LRMDA: variants seen among roughly 807,000 people sequenced by gnomAD.
LRMDA encodes leucine rich melanocyte differentiation associated.
LRMDA carries 18 observed loss-of-function variants against 29.8 expected under a neutral mutation model. The ratio of observed to expected loss-of-function variants is 0.60; its 90% CI spans 0.42 to 0.90. The LOEUF is 0.90. Ranked by LOEUF, LRMDA falls within the 40% of genes least tolerant of loss-of-function variation. The pLI is 0.00. For synonymous variants in LRMDA, 125 were observed against 109.4 expected (o/e 1.14, Z -0.89); for missense variants, 273 against 273.9 (o/e 1.00, Z 0.02).
At chr10:75,644,598 G>T (rs115393740) in intron 2 of LRMDA, among the ~76,000 whole-genome samples, 1 of 152,136 alleles carries the variant, frequency 6.6e-6, no homozygotes. Flanking sequence ...TCACAGCAGG[G>T]TGGCTGAGCC....
At chr10:75,620,289 G>A (rs1841165238) in intron 2 of LRMDA, among the ~76,000 whole-genome samples, 2 of 152,136 alleles carry the variant, frequency 1.3e-5, no homozygotes, top group South Asian at 4.1e-4. Context: ...TACAATTCAG[G>A]CATGTATGCA....
chr10:75,456,947 A>AT, intron 2 of LRMDA, among the ~76,000 whole-genome samples: 1 of 152,190 alleles, frequency 6.6e-6, no homozygotes. Context: ...AAGTGCCAGG[A>AT]TTATAGGCAT....
intron 5 of LRMDA, among the ~76,000 whole-genome samples, chr10:76,069,448 G>A (rs1026595530): frequency 2.6e-5 from 4 of 152,164 alleles, no homozygotes; most frequent in Non-Finnish European, 5.9e-5. Context: ...TAGCAATTAC[G>A]TGCAGCCTTT....
chr10:76,348,191 C>G (rs895674531), intron 6 of LRMDA, among the ~76,000 whole-genome samples: 1 of 152,022 alleles, frequency 6.6e-6, no homozygotes, highest in Non-Finnish European at 1.5e-5. Flanking sequence ...ACAGTTATCC[C>G]CTCAAATCAG....
chr10:75,951,900 G>A (rs1043213544), intron 2 of LRMDA, among the ~76,000 whole-genome samples: 1 of 152,196 alleles, frequency 6.6e-6, no homozygotes, highest in South Asian at 2.1e-4. Flanking sequence ...CGTTACCTGC[G>A]GTCCTGGAGG....
intron 1 of LRMDA, among the ~76,000 whole-genome samples, chr10:75,437,002 A>G (rs1175417008): frequency 1.3e-5 from 2 of 152,136 alleles, no homozygotes; most frequent in African/African-American, 2.4e-5. Context: ...TTGAGTCAAA[A>G]TTACTTTATT....
intron 1 of LRMDA, among the ~76,000 whole-genome samples, chr10:75,433,905 A>G (rs150145516): frequency 6.5e-4 from 99 of 152,248 alleles, no homozygotes; most frequent in Middle Eastern, 3.4e-3. Flanking sequence ...AAGTTAGGTC[A>G]CTGCTTTTAA....
intron 2 of LRMDA, among the ~76,000 whole-genome samples, chr10:75,952,118 C>T (rs1214318714): frequency 6.6e-6 from 1 of 152,182 alleles, no homozygotes; most frequent in Non-Finnish European, 1.5e-5. Context: ...ACCCTGGGGT[C>T]CCCTCAGCCC....
At chr10:75,991,511 G>A (rs1026711739) in intron 2 of LRMDA, among the ~76,000 whole-genome samples, 1 of 152,182 alleles carries the variant, frequency 6.6e-6, no homozygotes, top group Admixed American at 6.5e-5. Flanking sequence ...TGTCATAACA[G>A]GAAGGAATCT....
chr10:76,099,153 T>TTTGTAGG (rs1234104927), intron 5 of LRMDA, among the ~76,000 whole-genome samples: 2 of 152,240 alleles, frequency 1.3e-5, no homozygotes, highest in Non-Finnish European at 2.9e-5. Context: ...TAGTCCTACC[T>TTTGTAGG]ACAAAGGCCA....
At chr10:75,690,686 G>C (rs1178153705) in intron 2 of LRMDA, among the ~76,000 whole-genome samples, 2 of 151,856 alleles carry the variant, frequency 1.3e-5, no homozygotes, top group Non-Finnish European at 2.9e-5. Context: ...GGCTGAACAT[G>C]GTGGCTCATG....
chr10:75,906,401 C>T (rs1191046996), intron 2 of LRMDA, among the ~76,000 whole-genome samples: 1 of 152,172 alleles, frequency 6.6e-6, no homozygotes, highest in East Asian at 1.9e-4. Context: ...CACTGAGGCA[C>T]AGAAAGGTGA....
At chr10:76,062,237 G>T (rs1389837688) in intron 5 of LRMDA, among the ~76,000 whole-genome samples, 1 of 152,198 alleles carries the variant, frequency 6.6e-6, no homozygotes, top group Non-Finnish European at 1.5e-5. Context: ...TTATTCAGCA[G>T]AATGCTCTGA....
intron 2 of LRMDA, among the ~76,000 whole-genome samples, chr10:75,934,178 G>A (rs763171188): frequency 2.0e-5 from 3 of 152,168 alleles, no homozygotes; most frequent in Admixed American, 6.5e-5. Context: ...ATGAGTGAAT[G>A]CCTTTATGCT....
chr10:75,800,590 G>T (rs1009713656), intron 2 of LRMDA, among the ~76,000 whole-genome samples: 1 of 151,926 alleles, frequency 6.6e-6, no homozygotes, highest in African/African-American at 2.4e-5. Flanking sequence ...TTCAATTACA[G>T]AATTTTGTTT....
intron 5 of LRMDA, among the ~76,000 whole-genome samples, chr10:76,157,862 A>G (rs139971870): frequency 1.3e-5 from 2 of 152,298 alleles, no homozygotes; most frequent in Admixed American, 6.5e-5. Context: ...ATAGCATGCA[A>G]TACACCTAGG....
intron 5 of LRMDA, among the ~76,000 whole-genome samples, chr10:76,098,886 T>C (rs1849354307): frequency 6.6e-6 from 1 of 152,212 alleles, no homozygotes; most frequent in African/African-American, 2.4e-5. Flanking sequence ...AGGTTGGAGA[T>C]GAAATAATAG....
intron 3 of LRMDA, among the ~76,000 whole-genome samples, chr10:76,040,936 C>T (rs1018015414): frequency 1.3e-5 from 2 of 152,172 alleles, no homozygotes; most frequent in Admixed American, 6.5e-5. Context: ...GGCTGTGGCA[C>T]GGAGACCACT....
At chr10:76,020,906 C>T (rs1445784846) in intron 2 of LRMDA, among the ~76,000 whole-genome samples, 1 of 152,208 alleles carries the variant, frequency 6.6e-6, no homozygotes, top group East Asian at 1.9e-4. Context: ...ATCACTCTTC[C>T]TTCAATTTTC....
Sources: allele counts gnomAD v4.1 joint callset (sites outside exome capture counted in the v4.1 genomes callset), GRCh38; gene constraint gnomAD v4.1.1; transcripts MANE v1.5; gene names NCBI Gene and HGNC (gene_info 2026-07-23, HGNC 2026-07-21).